Variants in DNAH7 observed in about 807,000 individuals in gnomAD.
DNAH7 encodes the protein axonemal beta dynein heavy chain 7.
DNAH7 carries 397 observed loss-of-function variants against 444.6 expected under a neutral mutation model. The ratio of observed to expected loss-of-function variants is 0.89; its 90% confidence interval spans 0.82 to 0.97. The LOEUF (loss-of-function observed/expected upper bound fraction) is 0.97, where lower values mean the gene tolerates loss of function less well. Among genes scored for constraint, DNAH7 ranks in the 50% least tolerant of loss-of-function variants. The probability of loss-of-function intolerance (pLI) is 0.00; values close to 1 mark genes in which losing one functional copy is unlikely to be tolerated. For synonymous variants in DNAH7, 1,636 were observed against 1,624.4 expected, an observed-to-expected ratio of 1.01 and a Z score of -0.17; for missense variants, 4,902 against 4,800.8, an observed-to-expected ratio of 1.02 and a Z score of -0.62.
chr2:196,009,185 G>T (rs1182830795), intron 10 of DNAH7, among the ~76,000 whole-genome samples: 2 of 152,004 alleles, frequency 1.3e-5, no homozygotes, highest in Middle Eastern at 3.2e-3. Context: ...CCAACACTAG[G>T]GATTACGTTT....
rs1330546273 is a variant in DNAH7, at chr2:195,808,896, G to A, written c.9889-20C>T. ...ATTAATCTTTGGAAAACAAGGCAGC[G>A]TGAAGAGTCAGAAACGAGTTCATCA... On this transcript the variant is annotated intron_variant, in intron 52 of 64. Coordinates refer to ENST00000312428, the MANE Select transcript of DNAH7 (RefSeq NM_018897.3). 8 of 1,605,792 alleles carry A rather than the reference G, an allele frequency of 5.0e-6. No homozygotes were observed. The highest frequency in any genetic ancestry group is 4.5e-5 in the East Asian group (2 of 44,742).
At chr2:196,009,472 T>C (rs1048027288) in intron 10 of DNAH7, among the ~76,000 whole-genome samples, 2 of 152,184 alleles carry the variant, frequency 1.3e-5, no homozygotes, top group African/African-American at 4.8e-5. Flanking sequence ...GTTTTCAACT[T>C]GGCCTAGTAA....
chr2:195,818,802 T>C (rs1697337408), intron 49 of DNAH7, among the ~76,000 whole-genome samples: 1 of 152,168 alleles, frequency 6.6e-6, no homozygotes, highest in Non-Finnish European at 1.5e-5. Context: ...TTGGCTTCAT[T>C]TGAAATCCTC....
intron 12 of DNAH7, among the ~76,000 whole-genome samples, chr2:195,989,773 C>T (rs556670320): frequency 2.6e-5 from 4 of 152,236 alleles, no homozygotes; most frequent in African/African-American, 9.6e-5. Flanking sequence ...TGTGTGGTAA[C>T]TCCCCACTCC....
intron 60 of DNAH7, among the ~76,000 whole-genome samples, chr2:195,773,420 C>A (rs1198719060): frequency 1.4e-5 from 2 of 141,038 alleles, no homozygotes; most frequent in African/African-American, 2.6e-5. Flanking sequence ...TGTGCCTCTG[C>A]AAAAAAAAAA....
At chr2:195,757,237 G>T (rs1694121203) in intron 61 of DNAH7, among the ~76,000 whole-genome samples, 1 of 152,188 alleles carries the variant, frequency 6.6e-6, no homozygotes, top group Admixed American at 6.5e-5. Flanking sequence ...AAGTGAATAA[G>T]TAATACAGTT....
chr2:196,057,144 G>A (rs772966537), intron 2 of DNAH7, among the ~76,000 whole-genome samples: 2 of 152,152 alleles, frequency 1.3e-5, no homozygotes, highest in Non-Finnish European at 2.9e-5. Context: ...ATAAATGAAT[G>A]TTTTTAAATA....
intron 51 of DNAH7, among the ~76,000 whole-genome samples, chr2:195,812,380 T>C (rs1047711710): frequency 2.0e-5 from 3 of 152,162 alleles, no homozygotes; most frequent in Non-Finnish European, 4.4e-5. Context: ...AAGAACCCAT[T>C]GGGTGGTTAC....
intron 63 of DNAH7, among the ~76,000 whole-genome samples, chr2:195,750,102 T>G (rs1441820249): frequency 6.6e-6 from 1 of 152,226 alleles, no homozygotes; most frequent in Non-Finnish European, 1.5e-5. Flanking sequence ...GTGCATGATC[T>G]TGGAACACTA....
intron 19 of DNAH7, among the ~76,000 whole-genome samples, chr2:195,949,308 G>A (rs1049062318): frequency 1.1e-4 from 16 of 151,908 alleles, no homozygotes; most frequent in African/African-American, 3.9e-4. Context: ...TATTGAGATG[G>A]AGTCTCACTC....
intron 35 of DNAH7, among the ~76,000 whole-genome samples, chr2:195,882,757 T>C (rs79287074): frequency 0.011 from 1,717 of 152,320 alleles, 24 homozygotes; most frequent in Non-Finnish European, 0.018. Context: ...AAAATCTAAA[T>C]TCTTGGTCAT....
At chr2:195,895,922 C>G (rs1702281813) in intron 29 of DNAH7, among the ~76,000 whole-genome samples, 1 of 152,136 alleles carries the variant, frequency 6.6e-6, no homozygotes, top group African/African-American at 2.4e-5. Context: ...TAATATTCCA[C>G]CGTAACAAAG....
intron 35 of DNAH7, among the ~76,000 whole-genome samples, chr2:195,883,499 T>C (rs1361091320): frequency 6.8e-6 from 1 of 147,690 alleles, no homozygotes; most frequent in Non-Finnish European, 1.5e-5. Context: ...TGTACTGTTA[T>C]TTAGAGGTTG....
chr2:195,888,526 G>T, intron 32 of DNAH7, 92 bp from the exon 33 acceptor site: 1 of 1,302,814 alleles, frequency 7.7e-7, no homozygotes, highest in East Asian at 2.6e-5. Flanking sequence ...CTTCAGCAAA[G>T]TCTTGGGCGG....
chr2:195,794,434 G>C lies in DNAH7; in HGVS notation c.10620C>G (p.Thr3540=), dbSNP rs746810050. 1.5e-5 allele frequency: 25 copies of C among 1,613,930 alleles called. No individual in the cohort carries two copies. The Admixed American group carries it at 2.8e-4, about 18-fold the overall frequency. The change falls in exon 57 of 65, where the codon ACC becomes ACG. Residue 3540 remains threonine, a synonymous_variant. Transcript: ENST00000312428. Reference sequence around the variant, plus strand: ...CCCGTAAACCTTTTGGTGCTTCATTGGTCATTTTCACTCCATTCTGCAGTA... The same window carrying C: ...CCCGTAAACCTTTTGGTGCTTCATTCGTCATTTTCACTCCATTCTGCAGTA... The part of the protein sequence containing the change: ...VSVLQNGVKM[T]NEAPKGLRAN...
intron 48 of DNAH7, among the ~76,000 whole-genome samples, chr2:195,826,848 C>G (rs1489052397): frequency 1.3e-5 from 2 of 152,184 alleles, no homozygotes; most frequent in African/African-American, 2.4e-5. Context: ...GATCCAAGAT[C>G]CTGCCATCTT....
intron 59 of DNAH7, among the ~76,000 whole-genome samples, chr2:195,776,846 C>CCA (rs750289294): frequency 6.6e-6 from 1 of 151,764 alleles, no homozygotes; most frequent in Non-Finnish European, 1.5e-5. Context: ...ATACAAACAT[C>CCA]CACACACACA....
chr2:195,804,579 T>TA (rs1326737901), intron 54 of DNAH7, among the ~76,000 whole-genome samples: 4 of 152,222 alleles, frequency 2.6e-5, no homozygotes, highest in Admixed American at 2.0e-4. Context: ...ATCTGAGTCT[T>TA]AAGGCAACTG....
chr2:195,956,718 TA>T (rs1690689918), intron 19 of DNAH7, among the ~76,000 whole-genome samples: 1 of 152,216 alleles, frequency 6.6e-6, no homozygotes, highest in Non-Finnish European at 1.5e-5. Context: ...TGGTTTTTAT[TA>T]AATTCTCTCT....
Sources: gnomAD v4.1 joint callset for allele counts (sites outside exome capture counted in the v4.1 genomes callset) on GRCh38, gnomAD v4.1.1 for gene constraint, MANE v1.5 for transcripts, NCBI Gene and HGNC (gene_info 2026-07-23, HGNC 2026-07-21) for gene names.